Variants in HAT1 observed in about 807,000 individuals in gnomAD.
HAT1 encodes histone acetyltransferase 1.
In HAT1, 20 loss-of-function variants were observed where a neutral mutation model predicts 56.6. That is an observed-to-expected ratio of 0.35 (90% confidence interval 0.25 to 0.51). The LOEUF is 0.51. Ranked by LOEUF, HAT1 falls within the 20% of genes least tolerant of loss-of-function variation. The pLI is 0.95. For missense variants in HAT1, 408 were observed against 504.3 expected (o/e 0.81, Z 1.83); for synonymous variants, 146 against 165.5 (o/e 0.88, Z 0.91).
At chr2:171,928,861 C>T (rs548036534) in intron 2 of HAT1, among the ~76,000 whole-genome samples, 16 of 152,202 alleles carry the variant, frequency 1.1e-4, no homozygotes, top group Admixed American at 2.0e-4. Context: ...CATCATTATT[C>T]GCCAGTTAAT....
intron 2 of HAT1, among the ~76,000 whole-genome samples, chr2:171,942,384 G>A (rs1310950004): frequency 2.0e-5 from 3 of 152,094 alleles, no homozygotes; most frequent in Non-Finnish European, 4.4e-5. Flanking sequence ...ATAATTTGGA[G>A]TGTTTTCTTC....
chr2:171,955,617 AAAAT>A lies in HAT1; in HGVS notation c.309+2636_309+2639del, dbSNP rs200706048. ...GCAACAAAAGCAAAACTCCATCTCAAAAATAAATAAATAAATAAATAAAGGAAAT... is the reference window on the plus strand; with the variant it reads ...GCAACAAAAGCAAAACTCCATCTCAAAAATAAATAAATAAATAAAGGAAAT... On this transcript the variant is annotated intron_variant, in intron 4 of 10. Transcript: ENST00000264108. Among the ~76,000 whole-genome samples, 729 of 152,138 alleles carry A rather than the reference AAAAT, an allele frequency of 4.8e-3. 7 individuals are homozygous for A. The highest frequency in any genetic ancestry group is 0.017 in the African/African-American group (689 of 41,480).
intron 9 of HAT1, 149 bp downstream of exon 9, chr2:171,976,457 G>A (rs1428148122): frequency 7.8e-6 from 3 of 385,106 alleles, no homozygotes; most frequent in Non-Finnish European, 9.2e-6. Context: ...CAAATTGCCT[G>A]AGTTCAAATC....
intron 2 of HAT1, among the ~76,000 whole-genome samples, chr2:171,935,858 TGACA>T (rs1355069506): frequency 1.3e-5 from 2 of 151,890 alleles, no homozygotes; most frequent in Non-Finnish European, 2.9e-5. Context: ...CCAGCCTGGG[TGACA>T]GAGCCAGACC....
chr2:171,925,480 A>G (rs996909412), intron 1 of HAT1, 57 bp from the exon 2 acceptor site: 17 of 785,254 alleles, frequency 2.2e-5, no homozygotes, highest in African/African-American at 2.0e-4. Flanking sequence ...ACCCTATTGC[A>G]GGTTTGACAA....
intron 2 of HAT1, among the ~76,000 whole-genome samples, chr2:171,946,015 G>C (rs1423519643): frequency 6.6e-6 from 1 of 152,078 alleles, no homozygotes; most frequent in Non-Finnish European, 1.5e-5. Flanking sequence ...TGTCAGCCAG[G>C]CTGGGCGTGA....
Position 171,965,833 on chromosome 2 carries a change from A to G in HAT1, c.536A>G (p.Gln179Arg). Residue 179 changes from glutamine to arginine, a missense_variant, in exon 6 of 11, where the codon CAG (glutamine) becomes CGG (arginine). By Grantham distance (43) the Gln-to-Arg change is conservative. Transcript: ENST00000264108. ...RGFREYHERL[Q>R]TFLMWFIETA... ...TTTCGAGAATATCATGAAAGGCTTCAGACCTTTTTGATGTGGTTTATTGAA... is the reference window on the plus strand; with the variant it reads ...TTTCGAGAATATCATGAAAGGCTTCGGACCTTTTTGATGTGGTTTATTGAA... 1 of 1,612,830 alleles carries G rather than the reference A, an allele frequency of 6.2e-7. No individual in the cohort carries two copies. Among genetic ancestry groups the G allele is most frequent in the Non-Finnish European group, 8.5e-7 (1 of 1,178,894 alleles).
chr2:171,979,440 T>C, intron 10 of HAT1, 77 bp downstream of exon 10: 1 of 748,516 alleles, frequency 1.3e-6, no homozygotes, highest in East Asian at 2.5e-5. Flanking sequence ...AATATCAGTA[T>C]ATGAGAGAGT....
At chr2:171,967,562 G>T (rs1332716922) in intron 8 of HAT1, among the ~76,000 whole-genome samples, 1 of 152,090 alleles carries the variant, frequency 6.6e-6, no homozygotes. Flanking sequence ...CTCTTCAAAA[G>T]GAGAAGGCAT....
In HAT1 at chr2:171,942,754, A is replaced by C. The variant is rs188106976; in HGVS notation, c.113-3954A>C. 1.3e-3 allele frequency among the ~76,000 whole-genome samples: 199 copies of C among 152,250 alleles called. 1 individual carries two copies. The highest frequency in any genetic ancestry group is 4.5e-3 in the African/African-American group (187 of 41,544). ...TTGAACCTTAGATCCGCCAAATACC[A>C]ACTTTTAGTTCCTATTTTCTGTGGA... On this transcript the variant is annotated intron_variant, in intron 2 of 10. Coordinates refer to ENST00000264108, the MANE Select transcript of HAT1 (RefSeq NM_003642.4).
chr2:171,950,538 C>G (rs191235782), intron 3 of HAT1, among the ~76,000 whole-genome samples: 1 of 151,882 alleles, frequency 6.6e-6, no homozygotes, highest in Non-Finnish European at 1.5e-5. Context: ...GAGTCTCACT[C>G]TGTTGCCCAG....
chr2:171,934,900 C>T (rs915539750), intron 2 of HAT1, among the ~76,000 whole-genome samples: 9 of 151,610 alleles, frequency 5.9e-5, no homozygotes, highest in South Asian at 2.1e-4. Flanking sequence ...GGATTACAGG[C>T]GCCCACCACC....
intron 1 of HAT1, 98 bp downstream of exon 1, chr2:171,922,605 C>A (rs1686466755): frequency 9.4e-7 from 1 of 1,063,412 alleles, no homozygotes; most frequent in Non-Finnish European, 1.2e-6. Flanking sequence ...AACTTTCGGG[C>A]TGTAGCCTGG....
At chr2:171,956,612 G>T (rs1687456443) in intron 4 of HAT1, among the ~76,000 whole-genome samples, 1 of 152,224 alleles carries the variant, frequency 6.6e-6, no homozygotes, top group Admixed American at 6.5e-5. Flanking sequence ...GGATATCCTT[G>T]TTCTATAGTG....
intron 8 of HAT1, among the ~76,000 whole-genome samples, chr2:171,975,197 C>T (rs1170654274): frequency 6.6e-6 from 1 of 151,566 alleles, no homozygotes; most frequent in Non-Finnish European, 1.5e-5. Context: ...CTCTGCCTCC[C>T]AGGTTCAAGC....
intron 4 of HAT1, among the ~76,000 whole-genome samples, chr2:171,964,049 G>C (rs148979699): frequency 2.0e-5 from 3 of 152,098 alleles, no homozygotes. Context: ...TGTGATAAAC[G>C]TCATCACTGG....
Position 171,981,620 on chromosome 2 carries a change from A to G in HAT1, c.1093-1565A>G, listed in dbSNP as rs1472607489. ...CTGTTCACATTCTGAATATAAAATT[A>G]TTATTTGCCTATGACTAAATCATTT... On this transcript the variant is annotated intron_variant, in intron 10 of 10. Transcript: ENST00000264108. 2.0e-5 allele frequency among the ~76,000 whole-genome samples: 3 copies of G among 152,320 alleles called. No homozygotes were observed. In the East Asian group the frequency reaches 5.8e-4, roughly 29 times the overall value.
At chr2:171,931,954 G>T (rs1686760676) in intron 2 of HAT1, among the ~76,000 whole-genome samples, 2 of 152,244 alleles carry the variant, frequency 1.3e-5, no homozygotes, top group Non-Finnish European at 2.9e-5. Flanking sequence ...GATGTTAGCT[G>T]TAGGTTTTTC....
chr2:171,963,055 ATT>A (rs903807643), intron 4 of HAT1, among the ~76,000 whole-genome samples: 1 of 148,116 alleles, frequency 6.8e-6, no homozygotes, highest in African/African-American at 2.5e-5. Context: ...GGTAGTCAGG[ATT>A]TTTTTTTTTC....
Sources: allele counts gnomAD v4.1 joint callset (sites outside exome capture counted in the v4.1 genomes callset), GRCh38; gene constraint gnomAD v4.1.1; transcripts MANE v1.5; gene names NCBI Gene and HGNC (gene_info 2026-07-23, HGNC 2026-07-21).